Variants in DOCK8 observed in about 807,000 individuals in gnomAD.
DOCK8 encodes dedicator of cytokinesis 8, also known as dedicator of cytokinesis protein 8.
DOCK8 carries 141 observed loss-of-function variants against 245.6 expected under a neutral mutation model. That is an observed-to-expected ratio of 0.57 (90% CI 0.50 to 0.66). The LOEUF (loss-of-function observed/expected upper bound fraction) is 0.66, where lower values mean the gene tolerates loss of function less well. DOCK8 is among the 30% of genes least tolerant of loss of function. The pLI, the probability that DOCK8 is intolerant of heterozygous loss-of-function variation, is 0.00. For missense variants in DOCK8, 2,965 were observed against 2,603.4 expected, an observed-to-expected ratio of 1.14 and a Z score of -3.02; for synonymous variants, 1,168 against 970.2, an observed-to-expected ratio of 1.20 and a Z score of -3.79.
At chr9:215,185 G>A (rs1431484161) in intron 1 of DOCK8, 156 bp downstream of exon 1, 2 of 1,513,022 alleles carry the variant, frequency 1.3e-6, no homozygotes, top group South Asian at 1.2e-5. Context: ...AGGCTGCGGC[G>A]GTGGAGCCGC....
At chr9:246,762 A>AT (rs1272800085) in intron 1 of DOCK8, among the ~76,000 whole-genome samples, 3 of 152,042 alleles carry the variant, frequency 2.0e-5, no homozygotes, top group Non-Finnish European at 2.9e-5. Flanking sequence ...GTTATTATTT[A>AT]TTTTTTAAAG....
chr9:254,907 A>G (rs2047731423), intron 1 of DOCK8, among the ~76,000 whole-genome samples: 1 of 152,216 alleles, frequency 6.6e-6, no homozygotes, highest in South Asian at 2.1e-4. Flanking sequence ...AAACCAATGA[A>G]TCAGAATCTC....
chr9:267,304 C>G (rs958397040), intron 1 of DOCK8, among the ~76,000 whole-genome samples: 3 of 152,210 alleles, frequency 2.0e-5, no homozygotes, highest in Non-Finnish European at 2.9e-5. Flanking sequence ...CTCCCAGGCT[C>G]AAGCAATCCT....
chr9:317,000 A>G (rs768754236), intron 6 of DOCK8, 43 bp from the exon 7 acceptor site: 8 of 1,501,334 alleles, frequency 5.3e-6, no homozygotes, highest in Non-Finnish European at 7.4e-6. Flanking sequence ...GGAGCTCCCC[A>G]CAGAATTCAC....
In DOCK8 at chr9:322,906, A is replaced by C. The variant is rs145840668; in HGVS notation, c.828-2765A>C. ...TCAGGAGTTTGAGACCAGCCTGGAC[A>C]ACATGGTAAGACCCCATCTCTACTA... On this transcript the variant is annotated intron_variant, in intron 7 of 47. Transcript: ENST00000432829. Among the ~76,000 whole-genome samples, 483 of 152,146 alleles carry C rather than the reference A, an allele frequency of 3.2e-3. 4 individuals are homozygous for C. Among genetic ancestry groups the C allele is most frequent in the African/African-American group, 0.011 (466 of 41,512 alleles).
chr9:291,264 T>C (rs1441296749), intron 4 of DOCK8, among the ~76,000 whole-genome samples: 3 of 152,184 alleles, frequency 2.0e-5, no homozygotes, highest in African/African-American at 7.2e-5. Context: ...CTTGGAGTAG[T>C]GATTTTTCTT....
intron 14 of DOCK8, among the ~76,000 whole-genome samples, chr9:364,588 C>T (rs902780447): frequency 2.8e-5 from 4 of 143,254 alleles, no homozygotes; most frequent in African/African-American, 1.0e-4. Context: ...ATGCCATGAT[C>T]ATACCACTGT....
At chr9:235,170 G>A (rs369054282) in intron 1 of DOCK8, among the ~76,000 whole-genome samples, 13 of 152,202 alleles carry the variant, frequency 8.5e-5, no homozygotes, top group Non-Finnish European at 7.3e-5. Flanking sequence ...CACTCCAGAC[G>A]CTGTTTGCCT....
chr9:389,506 A>G (rs1217643322), intron 23 of DOCK8, among the ~76,000 whole-genome samples: 1 of 152,160 alleles, frequency 6.6e-6, no homozygotes, highest in Non-Finnish European at 1.5e-5. Flanking sequence ...ACAATGCCAT[A>G]TGGGCATTAT....
At chr9:372,979 A>G (rs2053363852) in intron 18 of DOCK8, among the ~76,000 whole-genome samples, 1 of 152,184 alleles carries the variant, frequency 6.6e-6, no homozygotes, top group South Asian at 2.1e-4. Context: ...AGCCTGGCCA[A>G]CATGGTGAAA....
chr9:402,539 A>C (rs2055160140), intron 26 of DOCK8, among the ~76,000 whole-genome samples: 1 of 152,214 alleles, frequency 6.6e-6, no homozygotes, highest in Non-Finnish European at 1.5e-5. Flanking sequence ...ACTGACCCCC[A>C]TTCGTGGTGA....
At chr9:387,906 C>G (rs1048185028) in intron 23 of DOCK8, among the ~76,000 whole-genome samples, 33 of 152,230 alleles carry the variant, frequency 2.2e-4, no homozygotes, top group African/African-American at 7.7e-4. Context: ...TTGAAATGAC[C>G]AGAATAGAGA....
chr9:281,514 C>G (rs932937076), intron 2 of DOCK8, among the ~76,000 whole-genome samples: 1 of 151,964 alleles, frequency 6.6e-6, no homozygotes, highest in Non-Finnish European at 1.5e-5. Context: ...TTAGGAAATT[C>G]CTCATTCCCT....
intron 4 of DOCK8, among the ~76,000 whole-genome samples, chr9:302,046 A>G (rs2049575698): frequency 6.6e-6 from 1 of 152,204 alleles, no homozygotes; most frequent in Non-Finnish European, 1.5e-5. Flanking sequence ...AGCCAAAGCA[A>G]TCTTAAGCAA....
chr9:239,684 A>C (rs1291354433), intron 1 of DOCK8, among the ~76,000 whole-genome samples: 1 of 152,224 alleles, frequency 6.6e-6, no homozygotes, highest in East Asian at 1.9e-4. Flanking sequence ...AATACTTTAA[A>C]AATCAAAATT....
intron 21 of DOCK8, 85 bp from the exon 22 acceptor site, chr9:382,428 C>T (rs1391906320): frequency 4.4e-5 from 69 of 1,581,690 alleles, no homozygotes; most frequent in Non-Finnish European, 5.8e-5. Flanking sequence ...TTTCATCCAC[C>T]CTATCCCTCT....
intron 14 of DOCK8, among the ~76,000 whole-genome samples, chr9:356,529 C>A (rs1197022016): frequency 1.3e-3 from 168 of 130,012 alleles, no homozygotes; most frequent in East Asian, 1.3e-3. Context: ...GACTCTGTCT[C>A]AAAAAAAAAA....
At chr9:411,636 A>T (rs565515481) in intron 28 of DOCK8, among the ~76,000 whole-genome samples, 1 of 152,216 alleles carries the variant, frequency 6.6e-6, no homozygotes, top group Non-Finnish European at 1.5e-5. Flanking sequence ...CCAGACAAAG[A>T]CATCATGAGA....
intron 18 of DOCK8, among the ~76,000 whole-genome samples, chr9:374,410 G>T (rs10814389): frequency 3.5e-5 from 5 of 143,734 alleles, no homozygotes; most frequent in African/African-American, 1.3e-4. Flanking sequence ...TCTTTAGGCT[G>T]TATTGAGTTA....
Sources: gnomAD v4.1 joint callset for allele counts (sites outside exome capture counted in the v4.1 genomes callset) on GRCh38, gnomAD v4.1.1 for gene constraint, MANE v1.5 for transcripts, NCBI Gene and HGNC (gene_info 2026-07-23, HGNC 2026-07-21) for gene names.